The following STK32A variants were observed in gnomAD, a reference collection of about 807,000 sequenced individuals.
STK32A encodes the protein serine/threonine kinase 32A, also known as serine/threonine-protein kinase 32A.
STK32A carries 41 observed loss-of-function variants against 53.2 expected under a neutral mutation model. That is an observed-to-expected ratio of 0.77 (90% CI 0.60 to 1.00). The LOEUF is 1.00. Among genes scored for constraint, STK32A ranks in the 50% least tolerant of loss-of-function variants. STK32A has a pLI of 0.00. For synonymous variants in STK32A, 166 were observed against 162.8 expected (o/e 1.02, Z -0.15); for missense variants, 458 against 485.8 (o/e 0.94, Z 0.54).
At chr5:147,345,394 G>T (rs1449204935) in intron 6 of STK32A, among the ~76,000 whole-genome samples, 2 of 152,154 alleles carry the variant, frequency 1.3e-5, no homozygotes, top group Non-Finnish European at 2.9e-5. Flanking sequence ...TTCTGAGGCA[G>T]TCATGGCTTT....
intron 11 of STK32A, chr5:147,375,620 C>T (rs1345796005): frequency 6.3e-6 from 1 of 159,212 alleles, no homozygotes; most frequent in Non-Finnish European, 1.4e-5. Context: ...TGAGGAGTTT[C>T]TGGGAGCAGC....
At chr5:147,401,521 T>C in the STK32A span, 1 of 1,599,490 alleles carries the variant, frequency 6.3e-7, no homozygotes, top group Non-Finnish European at 8.5e-7. Context: ...CGCCTGCTGC[T>C]GGGCATTCCT....
intron 2 of STK32A, among the ~76,000 whole-genome samples, chr5:147,262,553 G>A (rs1364837591): frequency 6.6e-6 from 1 of 150,652 alleles, no homozygotes; most frequent in Admixed American, 6.6e-5. Context: ...CTGTAAGGTA[G>A]GTATCATTCA....
chr5:147,292,271 A>T (rs1752633618), intron 4 of STK32A, among the ~76,000 whole-genome samples: 1 of 152,200 alleles, frequency 6.6e-6, no homozygotes, highest in Non-Finnish European at 1.5e-5. Context: ...ATTTCACCCA[A>T]AGCCTTGGTA....
intron 4 of STK32A, among the ~76,000 whole-genome samples, chr5:147,284,095 C>T (rs1358695877): frequency 6.6e-6 from 1 of 152,048 alleles, no homozygotes; most frequent in Non-Finnish European, 1.5e-5. Context: ...GGTTTCATAT[C>T]AGGGATGCAG....
chr5:147,321,896 T>G (rs905637078), intron 4 of STK32A, among the ~76,000 whole-genome samples: 4 of 152,198 alleles, frequency 2.6e-5, no homozygotes, highest in African/African-American at 9.6e-5. Context: ...TACCAAACCC[T>G]CACACACCTC....
intron 12 of STK32A, 99 bp downstream of exon 12, chr5:147,383,604 AT>A: frequency 9.5e-7 from 1 of 1,055,844 alleles, no homozygotes; most frequent in Non-Finnish European, 1.4e-6. Context: ...TTTAAAAATT[AT>A]TTTCTAATTG....
Position 147,280,597 on chromosome 5 carries a change from G to T in STK32A, c.260+1199G>T, listed in dbSNP as rs1752017759. On this transcript the variant is annotated intron_variant, in intron 4 of 12. Transcript: ENST00000397936. Reference sequence around the variant, plus strand: ...TAGGTACACAACTCCAGTGACCTGGGAATCCCACCCCCATTCCCCACAGCA... The same window carrying T: ...TAGGTACACAACTCCAGTGACCTGGTAATCCCACCCCCATTCCCCACAGCA... Among the ~76,000 whole-genome samples the T allele has an allele frequency of 2.0e-5, 3 of 151,792 alleles. No homozygotes were observed. In the South Asian group the frequency reaches 6.2e-4, roughly 32 times the overall value.
chr5:147,401,542 G>C, the STK32A span: 1 of 1,611,542 alleles, frequency 6.2e-7, no homozygotes, highest in Non-Finnish European at 8.5e-7. Context: ...GCACCAACCT[G>C]GCCAGCAAGG....
Position 147,330,986 on chromosome 5 carries a change from C to A in STK32A, c.434+6915C>A, listed in dbSNP as rs556817195. 4.6e-5 allele frequency among the ~76,000 whole-genome samples: 7 copies of A among 152,294 alleles called. No individual in the cohort carries two copies. In the South Asian group the frequency reaches 1.4e-3, roughly 32 times the overall value. On this transcript the variant is annotated intron_variant, in intron 5 of 12. Transcript: ENST00000397936. Reference sequence around the variant, plus strand: ...GTCTAATTCTCACACACTGTACTATCTTAGCAGTCACATTTTATTTTCTTG... The same window carrying A: ...GTCTAATTCTCACACACTGTACTATATTAGCAGTCACATTTTATTTTCTTG...
chr5:147,374,465 A>T (rs1757144643), intron 10 of STK32A, among the ~76,000 whole-genome samples: 1 of 151,954 alleles, frequency 6.6e-6, no homozygotes, highest in Non-Finnish European at 1.5e-5. Flanking sequence ...GAGCAACAGG[A>T]GGGTAGGTCT....
intron 11 of STK32A, among the ~76,000 whole-genome samples, chr5:147,378,285 G>A (rs1200319197): frequency 6.6e-6 from 1 of 152,164 alleles, no homozygotes; most frequent in Non-Finnish European, 1.5e-5. Flanking sequence ...TCCAGATTGA[G>A]CAGAGGTAGG....
chr5:147,242,719 CAA>C (rs1226765505), intron 2 of STK32A, among the ~76,000 whole-genome samples: 16 of 152,154 alleles, frequency 1.1e-4, no homozygotes, highest in Non-Finnish European at 2.1e-4. Flanking sequence ...ACTAGTTTGC[CAA>C]AGAGACTGCA....
intron 2 of STK32A, among the ~76,000 whole-genome samples, chr5:147,264,801 G>A (rs1217648375): frequency 1.3e-5 from 2 of 152,122 alleles, no homozygotes; most frequent in African/African-American, 4.8e-5. Context: ...CATATCTAAA[G>A]AGAGGTAAAA....
chr5:147,342,717 G>A lies in STK32A; in HGVS notation c.435-289G>A, dbSNP rs911519751. On this transcript the variant is annotated intron_variant, in intron 5 of 12. Coordinates refer to ENST00000397936, the MANE Select transcript of STK32A (RefSeq NM_001112724.2). ...ATATCTACATGCTTAGATACAACAT[G>A]CTATAGGAAGTTTAGAGTCTGAGTT... is the stretch of plus-strand genomic sequence containing the variant. 8 of 408,832 alleles carry A rather than the reference G, an allele frequency of 2.0e-5. No homozygotes were observed. In the East Asian group the frequency reaches 3.2e-4, roughly 16 times the overall value. The allele number at this position is 408,832 out of a possible 1,614,324, so 25.3% of individuals were successfully genotyped here.
intron 4 of STK32A, among the ~76,000 whole-genome samples, chr5:147,323,613 A>G (rs1263125596): frequency 6.6e-6 from 1 of 152,212 alleles, no homozygotes; most frequent in African/African-American, 2.4e-5. Flanking sequence ...TTATTGCTAC[A>G]TGAATAAACA....
intron 11 of STK32A, among the ~76,000 whole-genome samples, chr5:147,380,075 G>A (rs1757393021): frequency 6.6e-6 from 1 of 152,040 alleles, no homozygotes. Flanking sequence ...CTGCAAGTAT[G>A]TATTTCATAT....
At chr5:147,310,761 G>A (rs1198343642) in intron 4 of STK32A, among the ~76,000 whole-genome samples, 1 of 150,424 alleles carries the variant, frequency 6.6e-6, no homozygotes, top group Non-Finnish European at 1.5e-5. Flanking sequence ...GTCTTGGCTT[G>A]CCCTTTTATA....
chr5:147,274,801 A>G (rs1206393071), intron 2 of STK32A, among the ~76,000 whole-genome samples: 1 of 152,190 alleles, frequency 6.6e-6, no homozygotes, highest in African/African-American at 2.4e-5. Context: ...GCATAGACGT[A>G]AATTTCCAAG....
Sources: gnomAD v4.1 joint callset for allele counts (sites outside exome capture counted in the v4.1 genomes callset) on GRCh38, gnomAD v4.1.1 for gene constraint, MANE v1.5 for transcripts, NCBI Gene and HGNC (gene_info 2026-07-23, HGNC 2026-07-21) for gene names.